Variants in NAALAD2 observed in about 807,000 individuals in gnomAD.
The protein encoded by NAALAD2 is N-acetylated-alpha-linked acidic dipeptidase 2.
A neutral mutation model predicts 95.6 loss-of-function variants in NAALAD2; 89 were observed. That is an observed-to-expected ratio of 0.93 (90% CI 0.78 to 1.11). NAALAD2 has a LOEUF of 1.11. Among genes scored for constraint, NAALAD2 ranks in the 50% least tolerant of loss-of-function variants. The pLI is 0.00. For synonymous variants in NAALAD2, 264 were observed against 294.4 expected, an observed-to-expected ratio of 0.90 and a Z score of 1.06; for missense variants, 894 against 872.4, an observed-to-expected ratio of 1.02 and a Z score of -0.31.
chr11:90,161,914 T>C (rs1283595732), intron 8 of NAALAD2, among the ~76,000 whole-genome samples: 1 of 126,260 alleles, frequency 7.9e-6, no homozygotes, highest in Admixed American at 8.3e-5. Context: ...ATTTACTTAA[T>C]GCCTTAAAAT....
intron 1 of NAALAD2, 121 bp from the exon 2 acceptor site, chr11:90,135,438 A>T: frequency 2.0e-6 from 1 of 511,066 alleles, no homozygotes; most frequent in East Asian, 3.0e-5. Flanking sequence ...AAAGCTCACC[A>T]TGATCTACTT....
intron 6 of NAALAD2, among the ~76,000 whole-genome samples, chr11:90,155,925 A>AT (rs1952105215): frequency 1.4e-5 from 2 of 145,482 alleles, no homozygotes; most frequent in African/African-American, 5.0e-5. Context: ...TATATATGTA[A>AT]TGTATATGTG....
At chr11:90,142,849 T>A (rs548670683) in intron 2 of NAALAD2, among the ~76,000 whole-genome samples, 6 of 152,130 alleles carry the variant, frequency 3.9e-5, no homozygotes. Context: ...TTTCAATTTA[T>A]CTTTTGGCTA....
chr11:90,159,566 T>G (rs1952224652), intron 8 of NAALAD2, among the ~76,000 whole-genome samples: 1 of 152,154 alleles, frequency 6.6e-6, no homozygotes, highest in African/African-American at 2.4e-5. Flanking sequence ...GAATATAGGT[T>G]TAACATTTCA....
At chr11:90,134,511 CG>C (rs1321917212), upstream of NAALAD2, 1 of 509,094 alleles carries the variant, frequency 2.0e-6, no homozygotes, top group Non-Finnish European at 3.5e-6. Context: ...CGGGTTACTG[CG>C]GGATCCACAG....
intron 13 of NAALAD2, among the ~76,000 whole-genome samples, chr11:90,172,654 TTGTATTA>T (rs1402603010): frequency 6.6e-6 from 1 of 152,220 alleles, no homozygotes; most frequent in Non-Finnish European, 1.5e-5. Flanking sequence ...TATTATAATT[TTGTATTA>T]CAAAATTTGT....
intron 6 of NAALAD2, among the ~76,000 whole-genome samples, chr11:90,156,781 G>T (rs1952129824): frequency 6.6e-6 from 1 of 152,104 alleles, no homozygotes; most frequent in African/African-American, 2.4e-5. Context: ...TTAGAGATGG[G>T]TCTTGTTGTG....
intron 4 of NAALAD2, 144 bp downstream of exon 4, chr11:90,149,251 C>A: frequency 2.5e-6 from 1 of 399,244 alleles, no homozygotes; most frequent in Non-Finnish European, 4.6e-6. Flanking sequence ...AAAACCTCAT[C>A]CCTCAAATTA....
chr11:90,135,178 C>A (rs893591714), intron 1 of NAALAD2: 2 of 315,766 alleles, frequency 6.3e-6, no homozygotes, highest in Non-Finnish European at 1.2e-5. Flanking sequence ...ATACGGGCAG[C>A]ATTAAAAACA....
chr11:90,190,050 A>C (rs1857276424), intron 18 of NAALAD2, among the ~76,000 whole-genome samples: 1 of 152,192 alleles, frequency 6.6e-6, no homozygotes. Flanking sequence ...TGAGTTGCTT[A>C]AGCATTACCA....
At chr11:90,187,977 G>A (rs1002873812) in intron 18 of NAALAD2, among the ~76,000 whole-genome samples, 2 of 152,172 alleles carry the variant, frequency 1.3e-5, no homozygotes, top group African/African-American at 2.4e-5. Flanking sequence ...AGAGACTCCA[G>A]TGCAGCCACG....
At position 90,177,985 on chromosome 11, in the gene NAALAD2, G is replaced by A; in HGVS notation, c.1726G>A (p.Glu576Lys). 9 of 1,613,852 alleles carry A rather than the reference G, an allele frequency of 5.6e-6. No individual in the cohort carries two copies. Among genetic ancestry groups the A allele is most frequent in the African/African-American group, 1.3e-5 (1 of 74,982 alleles). The change falls in exon 16 of 19, where the codon GAG (glutamate) becomes AAG (lysine). Residue 576 changes from glutamate to lysine, a missense_variant. Physicochemically the swap from Glu to Lys is moderately conservative, Grantham distance 56. Transcript: ENST00000534061. ...TCAATTACGAGGAGCACTGGTATAT[G>A]AGCTTGTGGATTCTAAAATCATTCC... is the stretch of plus-strand genomic sequence containing the variant. Reference protein sequence around the residue: ...VAQLRGALVYELVDSKIIPFN... With the variant: ...VAQLRGALVYKLVDSKIIPFN...
At chr11:90,190,107 A>G (rs540599457) in intron 18 of NAALAD2, among the ~76,000 whole-genome samples, 2 of 152,326 alleles carry the variant, frequency 1.3e-5, no homozygotes, top group South Asian at 2.1e-4. Flanking sequence ...CTTATCTGAG[A>G]AAATTAGGGA....
chr11:90,153,218 G>C (rs1388596206), intron 6 of NAALAD2, among the ~76,000 whole-genome samples: 1 of 152,118 alleles, frequency 6.6e-6, no homozygotes, highest in Admixed American at 6.6e-5. Context: ...CTTTCAGTGT[G>C]GGGGCTATTA....
At chr11:90,155,725 A>G (rs1376411573) in intron 6 of NAALAD2, among the ~76,000 whole-genome samples, 1 of 51,770 alleles carries the variant, frequency 1.9e-5, no homozygotes. Flanking sequence ...TGTATGTAAT[A>G]CATACATACA....
At chr11:90,191,415 C>T (rs371348030) in intron 18 of NAALAD2, 143 bp from the exon 19 acceptor site, 1 of 485,908 alleles carries the variant, frequency 2.1e-6, no homozygotes. Flanking sequence ...AATTATGATT[C>T]GCATAAGTAT....
intron 13 of NAALAD2, among the ~76,000 whole-genome samples, chr11:90,171,603 C>T (rs774429074): frequency 2.6e-5 from 4 of 152,172 alleles, no homozygotes; most frequent in Non-Finnish European, 5.9e-5. Context: ...ATCTGTGCCT[C>T]TTTGTACAAA....
chr11:90,146,002 C>T (rs1349035537), intron 2 of NAALAD2, among the ~76,000 whole-genome samples: 2 of 152,016 alleles, frequency 1.3e-5, no homozygotes, highest in African/African-American at 4.8e-5. Flanking sequence ...GTAATAACAG[C>T]AGATGAATTA....
rs1590997303 is a variant in NAALAD2 at position 90,165,345 on chromosome 11, TG to T, written c.1278+1729del. On this transcript the variant is annotated intron_variant, in intron 11 of 18. Coordinates refer to ENST00000534061, the MANE Select transcript of NAALAD2 (RefSeq NM_005467.4). Reference sequence around the variant, plus strand: ...TTGGTTATATACCCAGTAATGGGATTGCTGGGTCCAGTAGTATTTCCAGGTA... The same window carrying T: ...TTGGTTATATACCCAGTAATGGGATTCTGGGTCCAGTAGTATTTCCAGGTA... 2.0e-5 allele frequency among the ~76,000 whole-genome samples: 3 copies of T among 152,202 alleles called. No homozygotes were observed. In the East Asian group the frequency reaches 5.8e-4, roughly 29 times the overall value.
Sources: allele counts gnomAD v4.1 joint callset (sites outside exome capture counted in the v4.1 genomes callset), GRCh38; gene constraint gnomAD v4.1.1; transcripts MANE v1.5; gene names NCBI Gene and HGNC (gene_info 2026-07-23, HGNC 2026-07-21).